The following PGAP1 variants were observed in gnomAD, a reference collection of about 807,000 sequenced individuals.
PGAP1 encodes post-GPI attachment to proteins inositol deacylase 1, also known as GPI inositol-deacylase.
PGAP1 carries 76 observed loss-of-function variants against 127.0 expected under a neutral mutation model. The ratio of observed to expected loss-of-function variants is 0.60; its 90% CI spans 0.50 to 0.72. PGAP1 has a LOEUF of 0.72. Among genes scored for constraint, PGAP1 ranks in the 30% least tolerant of loss-of-function variants. The pLI, the probability that PGAP1 is intolerant of heterozygous loss-of-function variation, is 0.00. For synonymous variants in PGAP1, 362 were observed against 366.5 expected, an observed-to-expected ratio of 0.99 and a Z score of 0.14; for missense variants, 982 against 1,071.3, an observed-to-expected ratio of 0.92 and a Z score of 1.16.
Position 196,858,346 on chromosome 2 carries a change from T to C in PGAP1, c.1861+6641A>G, listed in dbSNP as rs533220113. 3.6e-4 allele frequency among the ~76,000 whole-genome samples: 54 copies of C among 151,390 alleles called. No individual in the cohort carries two copies. In the South Asian group the frequency reaches 0.011, roughly 30 times the overall value. ...AAACCAGGGAGACAGAGCTTGCAGT[T>C]AGCTGAGATCGTACCACCACACTCC... is the stretch of plus-strand genomic sequence containing the variant. On this transcript the variant is annotated intron_variant, in intron 20 of 26. Transcript: ENST00000354764.
At chr2:196,864,390 C>CAAAAAAAAA (rs752788293) in intron 20 of PGAP1, among the ~76,000 whole-genome samples, 1 of 32,386 alleles carries the variant, frequency 3.1e-5, no homozygotes, top group Non-Finnish European at 5.9e-5. Context: ...AACTACGTCT[C>CAAAAAAAAA]AAAAAAAAAA....
chr2:196,921,047 T>C (rs572087600), intron 1 of PGAP1, among the ~76,000 whole-genome samples: 17 of 152,080 alleles, frequency 1.1e-4, no homozygotes, highest in African/African-American at 3.9e-4. Flanking sequence ...ACCAATTACA[T>C]TGGACGGTAA....
intron 4 of PGAP1, among the ~76,000 whole-genome samples, chr2:196,911,643 TA>T (rs1702823718): frequency 8.0e-6 from 1 of 124,520 alleles, no homozygotes; most frequent in Non-Finnish European, 1.7e-5. Context: ...AAAATTAAGA[TA>T]ATGCAAATTT....
intron 5 of PGAP1, 147 bp downstream of exon 5, chr2:196,902,438 C>T (rs775337726): frequency 1.5e-5 from 8 of 546,524 alleles, no homozygotes; most frequent in Admixed American, 7.6e-5. Context: ...CTCTTTCCCT[C>T]TCTCTCTTAC....
chr2:196,887,588 C>G (rs1242662021), intron 10 of PGAP1, among the ~76,000 whole-genome samples: 1 of 152,048 alleles, frequency 6.6e-6, no homozygotes, highest in Non-Finnish European at 1.5e-5. Flanking sequence ...ATAGGACAAC[C>G]AAGAAATCAA....
chr2:196,841,283 C>A lies in PGAP1; in HGVS notation c.2720G>T (p.Cys907Phe). 1 of 1,613,860 alleles carries A rather than the reference C, an allele frequency of 6.2e-7. No individual in the cohort carries two copies. Among genetic ancestry groups the A allele is most frequent in the South Asian group, 1.1e-5 (1 of 91,052 alleles). Residue 907 changes from cysteine (C) to phenylalanine (F), a missense_variant, in exon 27 of 27, where the codon TGC becomes TTC. Cys to Phe is a radical substitution (Grantham distance 205, BLOSUM62 -2). Coordinates refer to ENST00000354764, the MANE Select transcript of PGAP1 (RefSeq NM_024989.4). ...FGSAHLYRLPCFVFIPLLLHA... is the reference protein window; with the variant it reads ...FGSAHLYRLPFFVFIPLLLHA... ...GAGTAAAAGAGGAATGAAGACAAAG[C>A]ATGGAAGCCTATATAAATGTGCTGA...
chr2:196,847,287 A>C, intron 21 of PGAP1, 87 bp from the exon 22 acceptor site: 1 of 948,880 alleles, frequency 1.1e-6, no homozygotes, highest in Non-Finnish European at 1.6e-6. Context: ...TATTCAAGAG[A>C]GTCTCTAAAG....
At chr2:196,861,621 A>T (rs1701067542) in intron 20 of PGAP1, among the ~76,000 whole-genome samples, 1 of 152,172 alleles carries the variant, frequency 6.6e-6, no homozygotes, top group Admixed American at 6.5e-5. Flanking sequence ...AGATCGCCTG[A>T]GGTCAGGAGT....
intron 19 of PGAP1, among the ~76,000 whole-genome samples, chr2:196,867,203 G>C (rs1282284779): frequency 6.6e-6 from 1 of 152,056 alleles, no homozygotes; most frequent in Non-Finnish European, 1.5e-5. Flanking sequence ...CTGCGGCACT[G>C]TTCACAATAG....
chr2:196,892,980 A>G lies in PGAP1; in HGVS notation c.1033+160T>C, dbSNP rs866329625. Among the ~76,000 whole-genome samples the G allele has an allele frequency of 2.0e-5, 3 of 152,126 alleles. No homozygotes were observed. The South Asian group carries it at 6.2e-4, about 31-fold the overall frequency. On this transcript the variant is annotated intron_variant, in intron 8 of 26. Coordinates refer to ENST00000354764, the MANE Select transcript of PGAP1 (RefSeq NM_024989.4). The stretch of plus-strand genomic sequence containing the variant: ...TCCCTTCCTAACCAAGAACTGCACC[A>G]GCATCATCATAGGGAAATTAATAAT...
chr2:196,898,011 A>C (rs1484162356), intron 6 of PGAP1, among the ~76,000 whole-genome samples: 1 of 152,194 alleles, frequency 6.6e-6, no homozygotes, highest in East Asian at 1.9e-4. Flanking sequence ...TGAGGTCAGG[A>C]GTTTGAGACC....
chr2:196,870,960 A>G lies in PGAP1; in HGVS notation c.1748T>C (p.Phe583Ser). The G allele has an allele frequency of 6.2e-7, 1 of 1,608,164 alleles. No individual in the cohort carries two copies. The highest frequency in any genetic ancestry group is 8.5e-7 in the Non-Finnish European group (1 of 1,175,122). The change falls in exon 19 of 27, where the codon TTT becomes TCT. Residue 583 changes from phenylalanine to serine, a missense_variant. By Grantham distance (155) the Phe-to-Ser change is radical. Coordinates refer to ENST00000354764, the MANE Select transcript of PGAP1 (RefSeq NM_024989.4). ...TCTTACCTGTCCAAGTATTTGTGAA[A>G]AGGAAGTCTTAACTGTCACCTAGTT... ...CRYEVTVKTS[F>S]SQILGQVVRF...
chr2:196,914,901 A>G (rs536606865), intron 3 of PGAP1, among the ~76,000 whole-genome samples: 1 of 151,482 alleles, frequency 6.6e-6, no homozygotes, highest in East Asian at 2.0e-4. Context: ...TGCAGCCCCA[A>G]TCTCCTAGGC....
chr2:196,897,263 C>G, intron 6 of PGAP1, 66 bp from the exon 7 acceptor site: 2 of 980,656 alleles, frequency 2.0e-6, no homozygotes, highest in Non-Finnish European at 3.0e-6. Flanking sequence ...TCAAAATATG[C>G]ACAATTCTAT....
intron 4 of PGAP1, 64 bp from the exon 5 acceptor site, chr2:196,902,806 T>G: frequency 8.6e-7 from 1 of 1,165,988 alleles, no homozygotes; most frequent in Non-Finnish European, 1.2e-6. Flanking sequence ...ATAAGATATC[T>G]ATACAGTAAT....
chr2:196,896,980 A>G, intron 7 of PGAP1, 151 bp downstream of exon 7: 1 of 462,082 alleles, frequency 2.2e-6, no homozygotes, highest in Non-Finnish European at 3.9e-6. Context: ...AAAAAAAGAT[A>G]TTTCCATTTT....
At chr2:196,926,382 A>G in intron 1 of PGAP1, 88 bp downstream of exon 1, 1 of 1,585,760 alleles carries the variant, frequency 6.3e-7, no homozygotes, top group Non-Finnish European at 8.6e-7. Flanking sequence ...AGGCGCAGAG[A>G]GCCAAGGCAG....
Position 196,841,269 on chromosome 2 carries a change from GA to G in PGAP1, c.2733del (p.Pro912LeufsTer18). ...TTGCATAATGCATGGAGTAAAAGAG[GA>G]ATGAAGACAAAGCATGGAAGCCTAT... ...HLYRLPCFVF[I>X]PLLLHALCNF... is the part of the protein sequence containing the mutation. On this transcript the variant is annotated frameshift_variant, in exon 27 of 27. Transcript: ENST00000354764. LOFTEE classifies it high-confidence loss of function. 6.2e-7 allele frequency: 1 copy of G among 1,613,698 alleles called. No individual in the cohort carries two copies. The highest frequency in any genetic ancestry group is 8.5e-7 in the Non-Finnish European group (1 of 1,179,834).
At chr2:196,916,911 T>C (rs1273238079) in intron 2 of PGAP1, among the ~76,000 whole-genome samples, 1 of 152,188 alleles carries the variant, frequency 6.6e-6, no homozygotes, top group Non-Finnish European at 1.5e-5. Flanking sequence ...ATAAGACATA[T>C]AAATTTTGCC....
Sources: gnomAD v4.1 joint callset for allele counts (sites outside exome capture counted in the v4.1 genomes callset) on GRCh38, gnomAD v4.1.1 for gene constraint, MANE v1.5 for transcripts, NCBI Gene and HGNC (gene_info 2026-07-23, HGNC 2026-07-21) for gene names.